The following LARP1 variants were observed in gnomAD, a reference collection of about 807,000 sequenced individuals.
LARP1 encodes la-related protein 1.
LARP1 carries 36 observed loss-of-function variants against 122.7 expected under a neutral mutation model. The ratio of observed to expected loss-of-function variants is 0.29; its 90% confidence interval spans 0.22 to 0.39. The LOEUF (loss-of-function observed/expected upper bound fraction) is 0.39, where lower values mean the gene tolerates loss of function less well. Among genes scored for constraint, LARP1 ranks in the 10% least tolerant of loss-of-function variants. The pLI is 1.00. For synonymous variants in LARP1, 539 were observed against 528.7 expected (o/e 1.02, Z -0.27); for missense variants, 1,040 against 1,403.6 (o/e 0.74, Z 4.14).
chr5:154,691,495 G>A (rs927784173), intron 1 of LARP1, among the ~76,000 whole-genome samples: 1 of 152,194 alleles, frequency 6.6e-6, no homozygotes, highest in Non-Finnish European at 1.5e-5. Context: ...GCTGCGCGCA[G>A]GTCGCGGGGT....
At chr5:154,752,143 T>C (rs1313071257), upstream of LARP1, among the ~76,000 whole-genome samples, 1 of 152,182 alleles carries the variant, frequency 6.6e-6, no homozygotes, top group Non-Finnish European at 1.5e-5. Flanking sequence ...AAAAAACTAC[T>C]GGATTTAGGA....
chr5:154,813,988 GC>G lies in LARP1; in HGVS notation c.3185del (p.Pro1062LeufsTer4), dbSNP rs1225009030. The G allele has an allele frequency of 6.2e-7, 1 of 1,614,024 alleles. No individual in the cohort carries two copies. The highest frequency in any genetic ancestry group is 8.5e-7 in the Non-Finnish European group (1 of 1,179,990). ...GGTGCCCCTCCCAGTCTTCCAGCAGGCCTGCTGCCATGATCAGCCAACCCCC... is the reference window on the plus strand; with the variant it reads ...GGTGCCCCTCCCAGTCTTCCAGCAGGCTGCTGCCATGATCAGCCAACCCCC... ...KRCPSQSSSR[P>X]AAMISQPPTP... On this transcript the variant is annotated frameshift_variant, in exon 19 of 19. Coordinates refer to ENST00000518297, the MANE Select transcript of LARP1 (RefSeq NM_033551.3). LOFTEE classifies it high-confidence loss of function.
intron 14 of LARP1, chr5:154,804,966 G>T: frequency 2.2e-6 from 1 of 454,610 alleles, no homozygotes; most frequent in East Asian, 7.0e-5. Flanking sequence ...GAAAATCCGT[G>T]TATAACTTTT....
chr5:154,689,724 C>G (rs1046025258), intron 1 of LARP1, among the ~76,000 whole-genome samples: 2 of 152,048 alleles, frequency 1.3e-5, no homozygotes, highest in African/African-American at 4.8e-5. Flanking sequence ...TTCATCTTGC[C>G]TAAATGGATA....
intron 8 of LARP1, among the ~76,000 whole-genome samples, chr5:154,795,968 ATAT>A (rs1369730865): frequency 9.1e-4 from 105 of 115,102 alleles, no homozygotes; most frequent in East Asian, 2.6e-3. Flanking sequence ...ATTTTTATAC[ATAT>A]TATATATTTA....
chr5:154,684,171 G>A (rs914704886), intron 1 of LARP1, among the ~76,000 whole-genome samples: 5 of 152,038 alleles, frequency 3.3e-5, no homozygotes, highest in Non-Finnish European at 7.4e-5. Flanking sequence ...GACGTGGCAC[G>A]ATGGCTCACA....
At chr5:154,796,118 ATATT>A (rs1380526548) in intron 8 of LARP1, among the ~76,000 whole-genome samples, 2 of 109,214 alleles carry the variant, frequency 1.8e-5, no homozygotes, top group East Asian at 2.3e-4. Flanking sequence ...TATAGTATAT[ATATT>A]ATATATATTT....
At chr5:154,728,966 G>A (rs779578833) in intron 1 of LARP1, among the ~76,000 whole-genome samples, 20 of 152,150 alleles carry the variant, frequency 1.3e-4, no homozygotes, top group Non-Finnish European at 2.6e-4. Flanking sequence ...GCCAGGGAAA[G>A]TTGTTCATAG....
At chr5:154,790,192 C>T (rs1757230748) in intron 1 of LARP1, 133 bp from the exon 2 acceptor site, 2 of 664,920 alleles carry the variant, frequency 3.0e-6, no homozygotes, top group East Asian at 2.6e-5. Context: ...TCTTTCCCCT[C>T]TCTACTGTGT....
intron 1 of LARP1, among the ~76,000 whole-genome samples, chr5:154,785,617 T>G (rs1244499073): frequency 2.6e-5 from 4 of 152,114 alleles, no homozygotes; most frequent in African/African-American, 9.7e-5. Context: ...CCACCCTAAG[T>G]CCATCCCATA....
At chr5:154,805,484 C>G (rs530589780) in intron 14 of LARP1, among the ~76,000 whole-genome samples, 1 of 152,058 alleles carries the variant, frequency 6.6e-6, no homozygotes, top group East Asian at 1.9e-4. Context: ...TGGACCCACG[C>G]GTGGATCCAT....
In LARP1 at chr5:154,814,590, C is replaced by T. The variant is rs1292942009; in HGVS notation, c.*494C>T. 2 of 152,568 alleles carry T rather than the reference C, an allele frequency of 1.3e-5. No homozygotes were observed. The highest frequency in any genetic ancestry group is 4.8e-5 in the African/African-American group (2 of 41,398). 9.5% of individuals were successfully genotyped at this position (152,568 alleles called of 1,614,324 possible). A position where few individuals can be genotyped will look rare whatever the true frequency, so the allele number is the denominator to read the frequency against. ...GAAGGCTCTGGTGGTACCTCTGGGC[C>T]CCAGGAGCATCAGCCCCTTGATCAT... On this transcript the variant is annotated 3_prime_UTR_variant, in exon 19 of 19. Coordinates refer to ENST00000518297, the MANE Select transcript of LARP1 (RefSeq NM_033551.3).
chr5:154,811,275 T>C lies in LARP1; in HGVS notation c.2872T>C (p.Tyr958His). The change falls in exon 17 of 19, where the codon TAC becomes CAC. Residue 958 changes from tyrosine (Y) to histidine (H), a missense_variant. By Grantham distance (83) the Tyr-to-His change is moderately conservative. Around this residue, in one of 8 missense-constraint regions of LARP1, gnomAD observed 59 missense variants for 137.2 expected, o/e 0.43. Coordinates refer to ENST00000518297, the MANE Select transcript of LARP1 (RefSeq NM_033551.3). ...TGGTTTGGAGTGCCTTTTTCGATAC[T>C]ACAGTTATGGCCTGGAAAAGAAGTT... Reference protein sequence around the residue: ...RYGLECLFRYYSYGLEKKFRL... With the variant: ...RYGLECLFRYHSYGLEKKFRL... The C allele has an allele frequency of 6.2e-7, 1 of 1,614,204 alleles. No homozygotes were observed.
Position 154,816,604 on chromosome 5 carries a change from A to G in LARP1, c.*2508A>G, listed in dbSNP as rs1480611931. ...GTTAATGTTGCAAAGAGTAGTTTACATCTTCACTTTCTGAAGACACTTGAA... is the reference window on the plus strand; with the variant it reads ...GTTAATGTTGCAAAGAGTAGTTTACGTCTTCACTTTCTGAAGACACTTGAA... On this transcript the variant is annotated 3_prime_UTR_variant, in exon 19 of 19. Transcript: ENST00000518297. 3 of 152,608 alleles carry G rather than the reference A, an allele frequency of 2.0e-5. No individual in the cohort carries two copies. The highest frequency in any genetic ancestry group is 4.8e-5 in the African/African-American group (2 of 41,430). The allele number at this position is 152,608 out of a possible 1,614,324, so 9.5% of individuals were successfully genotyped here. A position where few individuals can be genotyped will look rare whatever the true frequency, so the allele number is the denominator to read the frequency against.
chr5:154,712,870 C>T, exon 1 of LARP1: 2 of 1,504,112 alleles, frequency 1.3e-6, no homozygotes, highest in Non-Finnish European at 1.8e-6. Context: ...GCTGTGCGAT[C>T]TGGATGTACC....
chr5:154,760,699 T>G (rs557975257), intron 1 of LARP1, among the ~76,000 whole-genome samples: 1 of 152,304 alleles, frequency 6.6e-6, no homozygotes, highest in South Asian at 2.1e-4. Flanking sequence ...AGGAACAGAC[T>G]AATTAGCCAT....
chr5:154,780,006 C>G (rs1200881604), intron 1 of LARP1, among the ~76,000 whole-genome samples: 1 of 152,158 alleles, frequency 6.6e-6, no homozygotes, highest in Non-Finnish European at 1.5e-5. Flanking sequence ...CCTGAACTCA[C>G]CGAGAGAGGC....
intron 1 of LARP1, among the ~76,000 whole-genome samples, chr5:154,779,946 CTT>C (rs1756281966): frequency 6.6e-6 from 1 of 152,170 alleles, no homozygotes; most frequent in Non-Finnish European, 1.5e-5. Flanking sequence ...GGGCTTAACT[CTT>C]TCCCAGTTGG....
upstream of LARP1, among the ~76,000 whole-genome samples, chr5:154,712,649 G>A (rs991706291): frequency 6.6e-6 from 1 of 152,208 alleles, no homozygotes; most frequent in African/African-American, 2.4e-5. Flanking sequence ...GACCAGGGCT[G>A]TGGAGGAGGG....
Sources: gnomAD v4.1 joint callset for allele counts (sites outside exome capture counted in the v4.1 genomes callset) on GRCh38, gnomAD v4.1.1 for gene constraint, gnomAD v4.1.1 regional missense constraint, MANE v1.5 for transcripts, NCBI Gene and HGNC (gene_info 2026-07-23, HGNC 2026-07-21) for gene names.